TESPA1: variants seen among roughly 807,000 people sequenced by gnomAD.
The protein encoded by TESPA1 is thymocyte expressed, positive selection associated 1.
Under a neutral mutation model 57.9 loss-of-function variants are expected in TESPA1, and 33 were observed. The observed-to-expected ratio is 0.57, with a 90% CI of 0.43 to 0.76. The LOEUF is 0.76. TESPA1 is among the 30% of genes least tolerant of loss of function. The pLI, the probability that TESPA1 is intolerant of heterozygous loss-of-function variation, is 0.00. For synonymous variants in TESPA1, 227 were observed against 228.9 expected (o/e 0.99, Z 0.07); for missense variants, 618 against 632.9 (o/e 0.98, Z 0.25).
rs1181649146 is a variant in TESPA1 at position 54,967,785 on chromosome 12, G to A, written c.256+58C>T. On this transcript the variant is annotated intron_variant, in intron 4 of 10. Coordinates refer to ENST00000449076, the MANE Select transcript of TESPA1 (RefSeq NM_001136030.3). ...TGCATAAACACTCACATACACACACGCACAGGTATATCACTCTCCAGGTAG... is the reference window on the plus strand; with the variant it reads ...TGCATAAACACTCACATACACACACACACAGGTATATCACTCTCCAGGTAG... 2.8e-5 allele frequency: 45 copies of A among 1,593,538 alleles called. 1 individual carries two copies. Among genetic ancestry groups the A allele is most frequent in the Middle Eastern group, 1.7e-4 (1 of 6,030 alleles).
chr12:54,980,477 G>T (rs781766787), intron 1 of TESPA1, among the ~76,000 whole-genome samples: 5 of 152,166 alleles, frequency 3.3e-5, no homozygotes, highest in Non-Finnish European at 5.9e-5. Context: ...ATTTCATAAC[G>T]GTTTGGGGCA....
intron 1 of TESPA1, among the ~76,000 whole-genome samples, chr12:54,981,489 G>A (rs1952322001): frequency 6.6e-6 from 1 of 151,880 alleles, no homozygotes; most frequent in Non-Finnish European, 1.5e-5. Flanking sequence ...GTTAACGGGT[G>A]CAGCACACCA....
At chr12:54,954,781 C>T (rs1950628875) in intron 10 of TESPA1, among the ~76,000 whole-genome samples, 1 of 152,184 alleles carries the variant, frequency 6.6e-6, no homozygotes, top group Non-Finnish European at 1.5e-5. Context: ...CTTTTAAAGG[C>T]TGAATAATAT....
upstream of TESPA1, among the ~76,000 whole-genome samples, chr12:54,985,111 G>C (rs756780121): frequency 3.3e-5 from 5 of 152,204 alleles, no homozygotes; most frequent in Admixed American, 6.5e-5. Context: ...GTTTATCTCA[G>C]AGAAGAAGTT....
intron 10 of TESPA1, among the ~76,000 whole-genome samples, chr12:54,959,910 A>G (rs1950972681): frequency 6.6e-6 from 1 of 152,206 alleles, no homozygotes; most frequent in South Asian, 2.1e-4. Context: ...ATACATACAT[A>G]TGATTCATAT....
intron 10 of TESPA1, among the ~76,000 whole-genome samples, chr12:54,960,056 T>A (rs1456866942): frequency 6.6e-6 from 1 of 152,048 alleles, no homozygotes; most frequent in Non-Finnish European, 1.5e-5. Flanking sequence ...AATTTTGGAG[T>A]ATTAACTAAG....
intron 1 of TESPA1, among the ~76,000 whole-genome samples, chr12:54,976,988 C>T (rs1183929930): frequency 2.0e-5 from 3 of 152,128 alleles, no homozygotes; most frequent in Non-Finnish European, 4.4e-5. Context: ...GTGTCCAGCT[C>T]TTAACCAGCG....
intron 1 of TESPA1, among the ~76,000 whole-genome samples, chr12:54,978,788 T>G (rs1011428893): frequency 6.6e-6 from 1 of 152,250 alleles, no homozygotes; most frequent in African/African-American, 2.4e-5. Context: ...AAGGGCCTAC[T>G]TAAGTCATCT....
chr12:54,963,165 G>A lies in TESPA1; in HGVS notation c.733C>T (p.Pro245Ser). The change falls in exon 9 of 11, where the codon CCT (proline) becomes TCT (serine). Residue 245 changes from proline to serine, a missense_variant. By Grantham distance (74) the Pro-to-Ser change is moderately conservative. This residue lies in a region of TESPA1 where 409 missense variants were observed against 420.1 expected (regional missense o/e 0.97). Coordinates refer to ENST00000449076, the MANE Select transcript of TESPA1 (RefSeq NM_001136030.3). Reference sequence around the variant, plus strand: ...TGGGATGGTGTGAACTTTTGGACAGGTGTCTTAGACACATAGGAGTAGAGA... The same window carrying A: ...TGGGATGGTGTGAACTTTTGGACAGATGTCTTAGACACATAGGAGTAGAGA... The part of the protein sequence containing the change: ...FCLYSYVSKT[P>S]VQKFTPSHMF... 1 of 1,613,858 alleles carries A rather than the reference G, an allele frequency of 6.2e-7. No homozygotes were observed. Among genetic ancestry groups the A allele is most frequent in the Admixed American group, 1.7e-5 (1 of 59,988 alleles).
intron 3 of TESPA1, among the ~76,000 whole-genome samples, chr12:54,968,470 C>T (rs770220156): frequency 3.9e-5 from 6 of 152,108 alleles, no homozygotes; most frequent in African/African-American, 9.7e-5. Context: ...AAGAACAAAC[C>T]GAAATCAGCA....
chr12:54,973,326 G>A (rs1482371617), intron 3 of TESPA1, 151 bp downstream of exon 3: 23 of 1,128,356 alleles, frequency 2.0e-5, no homozygotes, highest in Admixed American at 4.3e-5. Context: ...CCCTAAACCC[G>A]CAACACCCCT....
chr12:54,952,670 T>G (rs1212416231), intron 10 of TESPA1, among the ~76,000 whole-genome samples: 1 of 152,234 alleles, frequency 6.6e-6, no homozygotes, highest in African/African-American at 2.4e-5. Flanking sequence ...CTGTATAAAC[T>G]GACTTCTCAA....
chr12:54,961,113 AT>A (rs1565835573), intron 10 of TESPA1, 54 bp downstream of exon 10: 2 of 1,600,102 alleles, frequency 1.2e-6, no homozygotes, highest in East Asian at 4.5e-5. Context: ...AACCTTCCTC[AT>A]TTGATTACAA....
intron 10 of TESPA1, among the ~76,000 whole-genome samples, chr12:54,957,820 ACT>A (rs371145264): frequency 5.9e-5 from 9 of 152,340 alleles, no homozygotes; most frequent in African/African-American, 2.2e-4. Flanking sequence ...TTTTTGTAAG[ACT>A]CATAATTATT....
chr12:54,969,560 G>T (rs1391208594), intron 3 of TESPA1, among the ~76,000 whole-genome samples: 1 of 151,932 alleles, frequency 6.6e-6, no homozygotes. Context: ...ACCAAAAAAT[G>T]GAAGCCTCCA....
chr12:54,962,295 A>T, intron 9 of TESPA1, 136 bp downstream of exon 9: 1 of 1,069,146 alleles, frequency 9.4e-7, no homozygotes, highest in East Asian at 2.4e-5. Context: ...CCCTGAATTG[A>T]AATCAGAAAG....
At chr12:54,975,925 T>C (rs928766443) in intron 1 of TESPA1, among the ~76,000 whole-genome samples, 1 of 152,224 alleles carries the variant, frequency 6.6e-6, no homozygotes, top group Non-Finnish European at 1.5e-5. Flanking sequence ...ATTACTGTTG[T>C]CTGATCTAAC....
Position 54,962,426 on chromosome 12 carries a change from C to A in TESPA1, c.1467+5G>T. The A allele has an allele frequency of 3.1e-6, 5 of 1,608,832 alleles. No homozygotes were observed. The highest frequency in any genetic ancestry group is 2.2e-5 in the South Asian group (2 of 90,944). The stretch of plus-strand genomic sequence containing the variant: ...CAGTCTCTCCCTCACCTCCAACCCA[C>A]TTACCTCCTCCAAGTCAAAAGTGTC... On this transcript the variant is annotated splice_donor_5th_base_variant and intron_variant, in intron 9 of 10. Coordinates refer to ENST00000449076, the MANE Select transcript of TESPA1 (RefSeq NM_001136030.3).
At position 54,962,793 on chromosome 12, in the gene TESPA1, G is replaced by C; in HGVS notation, c.1105C>G (p.Gln369Glu). Residue 369 changes from glutamine (Q) to glutamate (E), a missense_variant, in exon 9 of 11, where the codon CAG becomes GAG. This residue lies in a region of TESPA1 where 409 missense variants were observed against 420.1 expected (regional missense o/e 0.97). Transcript: ENST00000449076. ...PCVFCCEEET[Q>E]QRMSTVLAPS... The stretch of plus-strand genomic sequence containing the variant: ...GCTAGCACTGTGGACATCCTCTGCT[G>C]TGTTTCCTCTTCACAGCAGAAGACA... 1.2e-6 allele frequency: 2 copies of C among 1,613,914 alleles called. No individual in the cohort carries two copies. Among genetic ancestry groups the C allele is most frequent in the Non-Finnish European group, 1.7e-6 (2 of 1,179,880 alleles).
Sources: gnomAD v4.1 joint callset for allele counts (sites outside exome capture counted in the v4.1 genomes callset) on GRCh38, gnomAD v4.1.1 for gene constraint, gnomAD v4.1.1 regional missense constraint, MANE v1.5 for transcripts, NCBI Gene and HGNC (gene_info 2026-07-23, HGNC 2026-07-21) for gene names.